Variants in ZNF25 observed in about 807,000 individuals in gnomAD.
The protein encoded by ZNF25 is zinc finger protein 25 (KOX 19).
In ZNF25, 21 loss-of-function variants were observed where a neutral mutation model predicts 30.9. That is an observed-to-expected ratio of 0.68 (90% confidence interval 0.48 to 0.98). ZNF25 has a LOEUF of 0.98. ZNF25 is among the 50% of genes least tolerant of loss of function. The pLI is 0.00. For missense variants in ZNF25, 501 were observed against 529.9 expected (o/e 0.95, Z 0.54); for synonymous variants, 169 against 181.3 (o/e 0.93, Z 0.55).
chr10:37,952,650 T>C lies in ZNF25; in HGVS notation c.848A>G (p.Glu283Gly), dbSNP rs562991552. Residue 283 changes from glutamate (E) to glycine (G), a missense_variant, in exon 6 of 6, where the codon GAG (glutamate) becomes GGG (glycine). Glu to Gly is a moderately conservative substitution (Grantham distance 98). Transcript: ENST00000302609. The stretch of plus-strand genomic sequence containing the variant: ...ACATTCCTTACATTTATAGGGTTTC[T>C]CCCCTGTGTGCATTCTCTGATGTAC... ...LTVHQRMHTG[E>G]KPYKCKECGK... 1 of 1,613,934 alleles carries C rather than the reference T, an allele frequency of 6.2e-7. No individual in the cohort carries two copies. Among genetic ancestry groups the C allele is most frequent in the East Asian group, 2.2e-5 (1 of 44,826 alleles).
intron 2 of ZNF25, among the ~76,000 whole-genome samples, chr10:37,962,129 C>G (rs559890076): frequency 6.6e-5 from 10 of 151,364 alleles, no homozygotes; most frequent in African/African-American, 2.4e-4. Flanking sequence ...TTAATCCCAG[C>G]TACTCAGGAG....
intron 4 of ZNF25, 99 bp downstream of exon 4, chr10:37,956,915 CAAAAAA>C (rs9299755): frequency 1.7e-5 from 9 of 517,440 alleles, no homozygotes; most frequent in East Asian, 3.4e-5. Context: ...AACTCTGTTT[CAAAAAA>C]AAAAAAAAAA....
chr10:37,958,145 T>A (rs894978293), intron 2 of ZNF25, among the ~76,000 whole-genome samples: 1 of 152,204 alleles, frequency 6.6e-6, no homozygotes, highest in Non-Finnish European at 1.5e-5. Context: ...AGCTTATATT[T>A]TTGCCAGGGA....
intron 1 of ZNF25, among the ~76,000 whole-genome samples, chr10:37,974,846 G>A (rs1564808416): frequency 6.6e-6 from 1 of 152,102 alleles, no homozygotes; most frequent in African/African-American, 2.4e-5. Context: ...CAATAGTCTA[G>A]ATACAGAATC....
chr10:37,961,627 T>C (rs2062876646), intron 2 of ZNF25, among the ~76,000 whole-genome samples: 1 of 151,878 alleles, frequency 6.6e-6, no homozygotes, highest in African/African-American at 2.4e-5. Flanking sequence ...AAATCAGATA[T>C]AAAAGCTAAT....
rs1564745148 is a variant in ZNF25, at chr10:37,952,061, C to T, written c.*66G>A. The T allele has an allele frequency of 1.4e-6, 2 of 1,452,220 alleles. No individual in the cohort carries two copies. Among genetic ancestry groups the T allele is most frequent in the Non-Finnish European group, 1.9e-6 (2 of 1,078,516 alleles). The allele number at this position is 1,452,220 out of a possible 1,614,324, so 90.0% of individuals were successfully genotyped here. A position where few individuals can be genotyped will look rare whatever the true frequency, so the allele number is the denominator to read the frequency against. On this transcript the variant is annotated 3_prime_UTR_variant, in exon 6 of 6. Coordinates refer to ENST00000302609, the MANE Select transcript of ZNF25 (RefSeq NM_145011.4). Reference sequence around the variant, plus strand: ...CTATTGATGCGATTCATAAGGTGTACCTCTTGTGTGAATTATCTGATTGTT... The same window carrying T: ...CTATTGATGCGATTCATAAGGTGTATCTCTTGTGTGAATTATCTGATTGTT...
At chr10:37,953,891 T>C (rs759420700) in intron 4 of ZNF25, 133 bp from the exon 5 acceptor site, 8 of 815,502 alleles carry the variant, frequency 9.8e-6, no homozygotes, top group Non-Finnish European at 1.5e-5. Flanking sequence ...AGCCCATTGT[T>C]TTGGGAAAAA....
At chr10:37,959,488 A>T (rs1035880754) in intron 2 of ZNF25, among the ~76,000 whole-genome samples, 1 of 152,212 alleles carries the variant, frequency 6.6e-6, no homozygotes, top group African/African-American at 2.4e-5. Context: ...TTTTATTGGT[A>T]GAACTGTTTA....
At chr10:37,960,969 C>T (rs565849682) in intron 2 of ZNF25, among the ~76,000 whole-genome samples, 9 of 152,226 alleles carry the variant, frequency 5.9e-5, no homozygotes, top group African/African-American at 2.2e-4. Context: ...CTAACAAGAG[C>T]TCATGTAAAC....
chr10:37,964,481 T>A (rs773240019), intron 2 of ZNF25, among the ~76,000 whole-genome samples: 20 of 152,104 alleles, frequency 1.3e-4, no homozygotes, highest in Admixed American at 3.9e-4. Flanking sequence ...GAGGAATGTA[T>A]TGGAAACCGG....
intron 1 of ZNF25, among the ~76,000 whole-genome samples, chr10:37,974,837 AAT>A (rs1267561762): frequency 6.6e-6 from 1 of 152,206 alleles, no homozygotes; most frequent in East Asian, 1.9e-4. Context: ...CACTATTCAC[AAT>A]AGTCTAGATA....
At chr10:37,963,607 C>T (rs1444857187) in intron 2 of ZNF25, among the ~76,000 whole-genome samples, 1 of 152,120 alleles carries the variant, frequency 6.6e-6, no homozygotes, top group African/African-American at 2.4e-5. Flanking sequence ...GGGTGTATCT[C>T]TTATGGATGG....
At chr10:37,973,007 A>G (rs954460685) in intron 1 of ZNF25, among the ~76,000 whole-genome samples, 25 of 152,150 alleles carry the variant, frequency 1.6e-4, no homozygotes, top group African/African-American at 5.8e-4. Context: ...AGTCACTACT[A>G]AAAGTACAAA....
At chr10:37,953,566 C>A (rs770959807) in intron 5 of ZNF25, 129 bp downstream of exon 5, 1 of 829,402 alleles carries the variant, frequency 1.2e-6, no homozygotes, top group Non-Finnish European at 1.9e-6. Flanking sequence ...GGATTATATT[C>A]CTTGGGATTT....
In ZNF25 at chr10:37,953,093, T is replaced by C. The variant is rs774517135; in HGVS notation, c.405A>G (p.Val135=). ...KFFCQKSALI[V]HQHTHSKGKS... is the part of the protein sequence containing the mutation. ...TGCCCTTTGAGTGAGTATGCTGATG[T>C]ACTATGAGGGCAGACTTCTGGCAGA... Residue 135 remains valine (V), a synonymous_variant, in exon 6 of 6, where the codon GTA becomes GTG. Coordinates refer to ENST00000302609, the MANE Select transcript of ZNF25 (RefSeq NM_145011.4). 6 of 1,613,842 alleles carry C rather than the reference T, an allele frequency of 3.7e-6. No individual in the cohort carries two copies. In the East Asian group the frequency reaches 1.1e-4, roughly 30 times the overall value.
At chr10:37,957,571 T>C in intron 2 of ZNF25, 25 bp from the exon 3 acceptor site, 1 of 1,607,282 alleles carries the variant, frequency 6.2e-7, no homozygotes, top group Non-Finnish European at 8.5e-7. Context: ...TTCAGTTCAA[T>C]TTGAAGTAAC....
intron 2 of ZNF25, among the ~76,000 whole-genome samples, chr10:37,960,365 A>G (rs2062786857): frequency 6.6e-6 from 1 of 151,870 alleles, no homozygotes; most frequent in African/African-American, 2.4e-5. Flanking sequence ...CTGTAATCCC[A>G]GCACTTCGGG....
chr10:37,968,348 A>ATG (rs2063301586), intron 2 of ZNF25, among the ~76,000 whole-genome samples: 1 of 143,584 alleles, frequency 7.0e-6, no homozygotes. Context: ...GAGCCACTGC[A>ATG]CCCGGCCAAT....
chr10:37,976,263 G>A (rs2063807346), intron 1 of ZNF25, among the ~76,000 whole-genome samples: 1 of 152,210 alleles, frequency 6.6e-6, no homozygotes, highest in African/African-American at 2.4e-5. Context: ...CTCCGGTCAC[G>A]TCACACAATG....
Sources: allele counts gnomAD v4.1 joint callset (sites outside exome capture counted in the v4.1 genomes callset), GRCh38; gene constraint gnomAD v4.1.1; transcripts MANE v1.5; gene names NCBI Gene and HGNC (gene_info 2026-07-23, HGNC 2026-07-21).